STMND1: variants seen among roughly 807,000 people sequenced by gnomAD.
STMND1 encodes the protein stathmin domain containing 1.
STMND1 carries 17 observed loss-of-function variants against 23.0 expected under a neutral mutation model. The observed-to-expected ratio is 0.74, with a 90% CI of 0.51 to 1.11. The LOEUF is 1.11. Among genes scored for constraint, STMND1 ranks in the 50% least tolerant of loss-of-function variants. The probability of loss-of-function intolerance (pLI) is 0.00; values close to 1 mark genes in which losing one functional copy is unlikely to be tolerated. For synonymous variants in STMND1, 114 were observed against 119.9 expected (o/e 0.95, Z 0.32); for missense variants, 305 against 329.1 (o/e 0.93, Z 0.57).
chr6:17,126,070 A>ATATATATATT (rs1561925814), intron 3 of STMND1, among the ~76,000 whole-genome samples: 2 of 20,528 alleles, frequency 9.7e-5, no homozygotes, highest in Admixed American at 9.8e-4. Context: ...ATATATATAT[A>ATATATATATT]TTTTTTTTTT....
intron 3 of STMND1, among the ~76,000 whole-genome samples, chr6:17,126,049 TA>T (rs1761291805): frequency 6.4e-5 from 2 of 31,246 alleles, no homozygotes; most frequent in African/African-American, 1.5e-4. Flanking sequence ...TATATATATA[TA>T]TATATATATA....
At chr6:17,103,074 TG>T (rs1387212189) in intron 1 of STMND1, among the ~76,000 whole-genome samples, 1 of 152,194 alleles carries the variant, frequency 6.6e-6, no homozygotes, top group Non-Finnish European at 1.5e-5. Flanking sequence ...ATGATTTCTT[TG>T]CATCCTTACC....
chr6:17,106,558 G>A (rs973433693), intron 1 of STMND1, among the ~76,000 whole-genome samples: 5 of 152,094 alleles, frequency 3.3e-5, no homozygotes, highest in African/African-American at 9.7e-5. Flanking sequence ...ACTGAGAGTC[G>A]ACCTTCTTTC....
In STMND1 at chr6:17,120,592, C is replaced by T. The variant is rs763128823; in HGVS notation, c.260-15C>T. On this transcript the variant is annotated splice_polypyrimidine_tract_variant and intron_variant, in intron 2 of 4. Transcript: ENST00000536551. ...TAAATTTTGCTTTCTTTTTTCTTTTCTTCTTTTTTGGAAGACCTAGTGACC... is the reference window on the plus strand; with the variant it reads ...TAAATTTTGCTTTCTTTTTTCTTTTTTTCTTTTTTGGAAGACCTAGTGACC... The T allele has an allele frequency of 3.4e-6, 5 of 1,455,850 alleles. No homozygotes were observed. Among genetic ancestry groups the T allele is most frequent in the South Asian group, 2.8e-5 (2 of 71,036 alleles). The allele number at this position is 1,455,850 out of a possible 1,614,324, so 90.2% of individuals were successfully genotyped here.
chr6:17,126,162 C>A (rs1272795858), intron 3 of STMND1, among the ~76,000 whole-genome samples: 3 of 144,152 alleles, frequency 2.1e-5, no homozygotes, highest in Non-Finnish European at 4.5e-5. Context: ...AAGTGATCCA[C>A]CTGCCTTGGC....
intron 3 of STMND1, among the ~76,000 whole-genome samples, chr6:17,124,890 T>A (rs1761276584): frequency 6.6e-6 from 1 of 151,342 alleles, no homozygotes; most frequent in Non-Finnish European, 1.5e-5. Context: ...TTACAGCTAC[T>A]TAGGAGGCTG....
At chr6:17,120,469 T>C in intron 2 of STMND1, 138 bp from the exon 3 acceptor site, 1 of 614,002 alleles carries the variant, frequency 1.6e-6, no homozygotes, top group Non-Finnish European at 2.6e-6. Context: ...CACAAAGACT[T>C]ATAATAGAAA....
rs532445205 is a variant in STMND1, at chr6:17,102,181, G to C, written c.-77G>C. On this transcript the variant is annotated 5_prime_UTR_variant, in exon 1 of 5. Transcript: ENST00000536551. ...AGGGCGCAGGAGCGCGGGACCACCGGCGCCGGAGCGCGGCAGGGAGCGCTC... is the reference window on the plus strand; with the variant it reads ...AGGGCGCAGGAGCGCGGGACCACCGCCGCCGGAGCGCGGCAGGGAGCGCTC... 1 of 1,393,000 alleles carries C rather than the reference G, an allele frequency of 7.2e-7. No homozygotes were observed. Among genetic ancestry groups the C allele is most frequent in the Non-Finnish European group, 9.3e-7 (1 of 1,075,008 alleles). 86.3% of individuals were successfully genotyped at this position (1,393,000 alleles called of 1,614,324 possible). A position where few individuals can be genotyped will look rare whatever the true frequency, so the allele number is the denominator to read the frequency against.
rs1761129284 is a variant in STMND1, at chr6:17,114,214, CCT to C, written c.82-747_82-746del. ...GCTTGTCTTCCTGCAACTAGACAAT[CCT>C]ATCTAGGGGTGATGGAAAACAGTGA... On this transcript the variant is annotated intron_variant, in intron 1 of 4. Transcript: ENST00000536551. Among the ~76,000 whole-genome samples the C allele has an allele frequency of 2.6e-5, 4 of 151,962 alleles. No individual in the cohort carries two copies. The South Asian group carries it at 8.3e-4, about 32-fold the overall frequency.
chr6:17,122,684 G>C (rs768544479), intron 3 of STMND1, among the ~76,000 whole-genome samples: 1 of 146,202 alleles, frequency 6.8e-6, no homozygotes, highest in African/African-American at 2.5e-5. Flanking sequence ...CAAACCTTGT[G>C]AATAACATTA....
At chr6:17,129,044 C>A (rs142173578) in intron 3 of STMND1, 68 bp from the exon 4 acceptor site, 2 of 1,452,110 alleles carry the variant, frequency 1.4e-6, no homozygotes, top group Non-Finnish European at 1.9e-6. Flanking sequence ...TTTATTCTAA[C>A]TCTTTTGCCC....
At position 17,102,228 on chromosome 6, in the gene STMND1, G is replaced by C. The variant is rs762098211; in HGVS notation, c.-30G>C. ...GCTCGCGGGGGCGCACAGCAGCCAA[G>C]CCCGCGGAGGAGGAGCGCGCGCGCG... On this transcript the variant is annotated 5_prime_UTR_variant, in exon 1 of 5. Coordinates refer to ENST00000536551, the MANE Select transcript of STMND1 (RefSeq NM_001190766.2). The C allele has an allele frequency of 6.6e-7, 1 of 1,516,084 alleles. No homozygotes were observed. Among genetic ancestry groups the C allele is most frequent in the South Asian group, 1.2e-5 (1 of 81,846 alleles). 93.9% of individuals were successfully genotyped at this position (1,516,084 alleles called of 1,614,324 possible). A position where few individuals can be genotyped will look rare whatever the true frequency, so the allele number is the denominator to read the frequency against.
intron 1 of STMND1, among the ~76,000 whole-genome samples, chr6:17,108,561 G>T (rs2113475163): frequency 6.6e-6 from 1 of 152,296 alleles, no homozygotes; most frequent in South Asian, 2.1e-4. Flanking sequence ...TACCGTCACT[G>T]TAGATATTGG....
At position 17,115,130 on chromosome 6, in the gene STMND1, G is replaced by A. The variant is rs1385469216; in HGVS notation, c.250G>A (p.Val84Ile). Residue 84 changes from valine (V) to isoleucine (I), a missense_variant, in exon 2 of 5, where the codon GTA (valine) becomes ATA (isoleucine). Val to Ile is a conservative substitution (Grantham distance 29). Coordinates refer to ENST00000536551, the MANE Select transcript of STMND1 (RefSeq NM_001190766.2). ...ATCTCCTAGTGAAAGAAACAGACGA[G>A]TAAATTCAGGTAACCTCCCTCTGCC... ...SPSPSERNRR[V>I]NSDLVTNGLI... is the part of the protein sequence containing the mutation. 3.9e-6 allele frequency: 6 copies of A among 1,534,066 alleles called. No homozygotes were observed. In the South Asian group the frequency reaches 7.2e-5, roughly 18 times the overall value.
At chr6:17,119,333 T>G (rs947523098) in intron 2 of STMND1, among the ~76,000 whole-genome samples, 1 of 152,172 alleles carries the variant, frequency 6.6e-6, no homozygotes, top group African/African-American at 2.4e-5. Context: ...GATTAGTGTG[T>G]GTGTGTGTGC....
At position 17,126,069 on chromosome 6, in the gene STMND1, TA is replaced by T. The variant is rs1319993902; in HGVS notation, c.412-3042del. Among the ~76,000 whole-genome samples the T allele has an allele frequency of 9.1e-3, 234 of 25,604 alleles. 2 individuals carry two copies. The highest frequency in any genetic ancestry group is 0.012 in the Non-Finnish European group (172 of 14,656). 16.8% of individuals were successfully genotyped at this position (25,604 alleles called of 152,430 possible). A position where few individuals can be genotyped will look rare whatever the true frequency, so the allele number is the denominator to read the frequency against. The stretch of plus-strand genomic sequence containing the variant: ...ATATATATATATATATATATATATA[TA>T]TTTTTTTTTTTTTTTTTTTTTTTTT... On this transcript the variant is annotated intron_variant, in intron 3 of 4. Transcript: ENST00000536551.
rs182859076 is a variant in STMND1 at position 17,110,001 on chromosome 6, A to G, written c.82-4961A>G. Among the ~76,000 whole-genome samples the G allele has an allele frequency of 1.0e-3, 159 of 152,132 alleles. 2 individuals carry two copies. The highest frequency in any genetic ancestry group is 3.6e-3 in the African/African-American group (149 of 41,500). On this transcript the variant is annotated intron_variant, in intron 1 of 4. Transcript: ENST00000536551. ...TCAGTGCCTTCCACTGTCTACCCCA[A>G]TCTGTTTCTGCTACACTGGAAGAAT...
chr6:17,119,883 G>GTTTAT (rs1761207020), intron 2 of STMND1, among the ~76,000 whole-genome samples: 1 of 152,108 alleles, frequency 6.6e-6, no homozygotes, highest in South Asian at 2.1e-4. Flanking sequence ...GGCCAGCGCC[G>GTTTAT]TTTATTTTAT....
intron 1 of STMND1, among the ~76,000 whole-genome samples, chr6:17,102,779 G>A (rs1331676313): frequency 1.3e-5 from 2 of 152,126 alleles, no homozygotes; most frequent in East Asian, 1.9e-4. Context: ...AGGCCCTTTG[G>A]TCGTTTCTTA....
Sources: allele counts gnomAD v4.1 joint callset (sites outside exome capture counted in the v4.1 genomes callset), GRCh38; gene constraint gnomAD v4.1.1; transcripts MANE v1.5; gene names NCBI Gene and HGNC (gene_info 2026-07-23, HGNC 2026-07-21).